PATJ: variants seen among roughly 807,000 people sequenced by gnomAD.
PATJ encodes PATJ crumbs cell polarity complex component.
A neutral mutation model predicts 224.9 loss-of-function variants in PATJ; 190 were observed. The observed-to-expected ratio is 0.84, with a 90% CI of 0.75 to 0.95. PATJ has a LOEUF of 0.95. Among genes scored for constraint, PATJ ranks in the 40% least tolerant of loss-of-function variants. The pLI is 0.00. For missense variants in PATJ, 2,121 were observed against 2,270.3 expected (o/e 0.93, Z 1.34); for synonymous variants, 769 against 820.3 (o/e 0.94, Z 1.07).
At position 61,788,981 on chromosome 1, in the gene PATJ, G is replaced by A. The variant is rs549817751; in HGVS notation, c.1068+1009G>A. Among the ~76,000 whole-genome samples the A allele has an allele frequency of 4.0e-4, 61 of 152,168 alleles. 2 individuals carry two copies. In the South Asian group the frequency reaches 7.3e-3, roughly 18 times the overall value. On this transcript the variant is annotated intron_variant, in intron 8 of 43. Coordinates refer to ENST00000642238, the MANE Select transcript of PATJ (RefSeq NM_001350145.3). Reference sequence around the variant, plus strand: ...GAGCCACCATGATGACCAGAAATAGGTTTTGAAGGGAGGGTCCAGGAGGAA... The same window carrying A: ...GAGCCACCATGATGACCAGAAATAGATTTTGAAGGGAGGGTCCAGGAGGAA...
intron 27 of PATJ, among the ~76,000 whole-genome samples, chr1:61,981,303 A>C (rs1331094704): frequency 6.6e-6 from 1 of 151,952 alleles, no homozygotes; most frequent in Admixed American, 6.6e-5. Flanking sequence ...TGTTACAAAG[A>C]TTCCTAAACC....
chr1:61,825,130 A>G (rs903490194), intron 15 of PATJ, among the ~76,000 whole-genome samples: 16 of 152,210 alleles, frequency 1.1e-4, no homozygotes, highest in Non-Finnish European at 4.4e-5. Flanking sequence ...ATGTGCTTGT[A>G]AGGATCTAAT....
intron 26 of PATJ, among the ~76,000 whole-genome samples, chr1:61,927,071 T>G (rs1571330711): frequency 6.6e-6 from 1 of 152,342 alleles, no homozygotes; most frequent in Non-Finnish European, 1.5e-5. Context: ...TAGAGTTTAG[T>G]TCTACTTTAA....
intron 20 of PATJ, among the ~76,000 whole-genome samples, chr1:61,866,629 TAAA>T (rs61543275): frequency 1.0e-4 from 15 of 147,922 alleles, no homozygotes; most frequent in African/African-American, 3.2e-4. Flanking sequence ...AACGTTAAGT[TAAA>T]AAAAAAAATC....
In PATJ at chr1:62,123,040, G is replaced by A. The variant is rs1038458375; in HGVS notation, c.5025G>A (p.Arg1675=). The part of the protein sequence containing the change: ...QKNSGTDMEP[R]TVEINRELSD... ...TTATAGGCACAGATATGGAACCAAG[G>A]ACTGTTGAGATAAACAGGGTAAGTC... Residue 1675 remains arginine, a synonymous_variant, in exon 39 of 44, where the codon AGG becomes AGA. Coordinates refer to ENST00000642238, the MANE Select transcript of PATJ (RefSeq NM_001350145.3). 1 of 1,596,262 alleles carries A rather than the reference G, an allele frequency of 6.3e-7. No individual in the cohort carries two copies. Among genetic ancestry groups the A allele is most frequent in the Admixed American group, 1.7e-5 (1 of 58,868 alleles).
At chr1:62,010,986 G>A (rs1403500989) in intron 28 of PATJ, among the ~76,000 whole-genome samples, 3 of 152,108 alleles carry the variant, frequency 2.0e-5, no homozygotes, top group African/African-American at 7.2e-5. Flanking sequence ...AACAACTTCT[G>A]CAACTTCCTC....
chr1:62,073,027 A>G (rs1570452462), intron 31 of PATJ: 1 of 985,340 alleles, frequency 1.0e-6, no homozygotes, highest in Non-Finnish European at 1.2e-6. Context: ...TCAGGAAGAC[A>G]TGTCCCAGGT....
chr1:61,867,475 T>C (rs1262425181), intron 20 of PATJ, among the ~76,000 whole-genome samples: 1 of 152,210 alleles, frequency 6.6e-6, no homozygotes, highest in East Asian at 1.9e-4. Context: ...CAGTTTATTT[T>C]AATGTATACA....
chr1:61,786,702 T>C (rs1168213684), intron 7 of PATJ, among the ~76,000 whole-genome samples: 1 of 151,964 alleles, frequency 6.6e-6, no homozygotes, highest in Non-Finnish European at 1.5e-5. Context: ...TTATTAAAAA[T>C]ATATCTTGGC....
chr1:61,794,475 T>C (rs1057315402), intron 9 of PATJ, among the ~76,000 whole-genome samples: 2 of 152,102 alleles, frequency 1.3e-5, no homozygotes, highest in African/African-American at 4.8e-5. Flanking sequence ...TATTTGGAAA[T>C]AAAAATGTAA....
chr1:62,009,827 G>T (rs12738266), intron 28 of PATJ, among the ~76,000 whole-genome samples: 24,255 of 152,020 alleles, frequency 0.16, 2,170 homozygotes, highest in Non-Finnish European at 0.21. Flanking sequence ...GCTCACGCCT[G>T]TAATCCCAGC....
At chr1:61,938,938 G>C (rs1677312203) in intron 27 of PATJ, among the ~76,000 whole-genome samples, 1 of 151,330 alleles carries the variant, frequency 6.6e-6, no homozygotes, top group Non-Finnish European at 1.5e-5. Context: ...GTAATTCTTG[G>C]TGAAACACCG....
intron 27 of PATJ, among the ~76,000 whole-genome samples, chr1:61,951,264 T>C (rs779877812): frequency 9.2e-5 from 14 of 152,192 alleles, no homozygotes; most frequent in Non-Finnish European, 1.8e-4. Context: ...CTTGGCTTTT[T>C]ATTGTTTTTT....
chr1:62,103,216 C>T (rs1350247131), intron 33 of PATJ, among the ~76,000 whole-genome samples: 1 of 152,130 alleles, frequency 6.6e-6, no homozygotes, highest in Non-Finnish European at 1.5e-5. Context: ...AGCTTACTAT[C>T]GTGGTGGGAG....
chr1:62,143,222 C>T (rs1478133441), intron 41 of PATJ, among the ~76,000 whole-genome samples: 1 of 152,112 alleles, frequency 6.6e-6, no homozygotes, highest in African/African-American at 2.4e-5. Context: ...AGGCACCAGC[C>T]AGCACACCAG....
intron 9 of PATJ, among the ~76,000 whole-genome samples, chr1:61,792,730 A>G (rs764923795): frequency 1.1e-4 from 16 of 152,036 alleles, no homozygotes; most frequent in Non-Finnish European, 2.1e-4. Context: ...GGGTTTCACT[A>G]TGTTGGCCAG....
At chr1:62,123,340 G>C (rs992078821) in intron 39 of PATJ, among the ~76,000 whole-genome samples, 9 of 151,582 alleles carry the variant, frequency 5.9e-5, no homozygotes, top group Non-Finnish European at 1.2e-4. Context: ...CTTTTAACCT[G>C]TACATGTAAA....
At chr1:62,059,610 C>T (rs1655090642) in intron 31 of PATJ, among the ~76,000 whole-genome samples, 1 of 150,816 alleles carries the variant, frequency 6.6e-6, no homozygotes, top group Non-Finnish European at 1.5e-5. Context: ...GAGCGAGACT[C>T]CATCTCAAAA....
At chr1:62,067,419 G>A (rs759215216) in intron 31 of PATJ, among the ~76,000 whole-genome samples, 9 of 151,958 alleles carry the variant, frequency 5.9e-5, no homozygotes, top group Non-Finnish European at 7.4e-5. Context: ...GAGCCACCAC[G>A]CCCAGCCCCG....
Sources: allele counts gnomAD v4.1 joint callset (sites outside exome capture counted in the v4.1 genomes callset), GRCh38; gene constraint gnomAD v4.1.1; transcripts MANE v1.5; gene names NCBI Gene and HGNC (gene_info 2026-07-23, HGNC 2026-07-21).